The following ANKAR variants were observed in gnomAD, a reference collection of about 807,000 sequenced individuals.
The protein encoded by ANKAR is ankyrin and armadillo repeat containing, also known as ankyrin and armadillo repeat-containing protein.
A neutral mutation model predicts 146.2 loss-of-function variants in ANKAR; 136 were observed. The ratio of observed to expected loss-of-function variants is 0.93; its 90% CI spans 0.81 to 1.07. ANKAR has a LOEUF of 1.07. Among genes scored for constraint, ANKAR ranks in the 50% least tolerant of loss-of-function variants. The probability of loss-of-function intolerance (pLI) is 0.00; values close to 1 mark genes in which losing one functional copy is unlikely to be tolerated. For synonymous variants in ANKAR, 500 were observed against 575.8 expected (o/e 0.87, Z 1.88); for missense variants, 1,567 against 1,679.9 (o/e 0.93, Z 1.18).
At chr2:189,749,194 C>A (rs1387414787), downstream of ANKAR, among the ~76,000 whole-genome samples, 3 of 134,448 alleles carry the variant, frequency 2.2e-5, no homozygotes, top group South Asian at 2.3e-4. Context: ...TGCAGTGAGC[C>A]GAGATCGAGC....
intron 2 of ANKAR, among the ~76,000 whole-genome samples, chr2:189,679,857 A>G (rs2034372894): frequency 6.6e-6 from 1 of 151,688 alleles, no homozygotes; most frequent in African/African-American, 2.4e-5. Context: ...TTCCGTTAGT[A>G]TTTTCTTGAG....
chr2:189,696,114 A>G, intron 6 of ANKAR, 36 bp from the exon 7 acceptor site: 4 of 1,600,984 alleles, frequency 2.5e-6, no homozygotes, highest in Non-Finnish European at 3.4e-6. Context: ...CTTTAGGTGC[A>G]TTTTGATAAA....
chr2:189,718,341 GCTA>G (rs1559111820), intron 10 of ANKAR, among the ~76,000 whole-genome samples: 92 of 518 alleles, frequency 0.18, 1 homozygote, highest in African/African-American at 0.23. Flanking sequence ...TGTCTGTCTA[GCTA>G]TCTATCTACA....
At chr2:189,762,611 C>T (rs936540912), downstream of ANKAR, 4 of 985,330 alleles carry the variant, frequency 4.1e-6, no homozygotes, top group Admixed American at 1.2e-4. Flanking sequence ...AAGGCGGCGA[C>T]GGGCGCAAAC....
chr2:189,718,374 A>G (rs199703338), intron 10 of ANKAR, among the ~76,000 whole-genome samples: 133,960 of 150,650 alleles, frequency 0.89, 60,633 homozygotes, highest in Non-Finnish European at 0.97. Context: ...ACACACACAC[A>G]CACACACACA....
chr2:189,759,981 A>C (rs2046748994), intron 18 of ANKAR, among the ~76,000 whole-genome samples: 1 of 152,138 alleles, frequency 6.6e-6, no homozygotes, highest in Non-Finnish European at 1.5e-5. Flanking sequence ...TGCTGCCTTC[A>C]AGCATCTGTC....
In ANKAR at chr2:189,689,656, T is replaced by C; in HGVS notation, c.731T>C (p.Met244Thr). The stretch of plus-strand genomic sequence containing the variant: ...TTTATGAAATATGCTGAAAATATTA[T>C]GCTAAAGTTAACATTCAGTACCACA... ...AVFMKYAENI[M>T]LKLTFSTTQI... Residue 244 changes from methionine (M) to threonine (T), a missense_variant, in exon 3 of 23, where the codon ATG (methionine) becomes ACG (threonine). Coordinates refer to ENST00000684021, the MANE Select transcript of ANKAR (RefSeq NM_001378068.1). The C allele has an allele frequency of 6.2e-7, 1 of 1,613,828 alleles. No individual in the cohort carries two copies. The highest frequency in any genetic ancestry group is 8.5e-7 in the Non-Finnish European group (1 of 1,179,828).
chr2:189,751,294 T>C (rs2045157457), downstream of ANKAR, among the ~76,000 whole-genome samples: 1 of 152,160 alleles, frequency 6.6e-6, no homozygotes, highest in African/African-American at 2.4e-5. Flanking sequence ...GGGGCATAAC[T>C]GAATCAGAGG....
chr2:189,751,978 A>G (rs1337796891), intron 18 of ANKAR, among the ~76,000 whole-genome samples: 3 of 151,350 alleles, frequency 2.0e-5, no homozygotes, highest in Non-Finnish European at 4.4e-5. Flanking sequence ...AAACCCAAAA[A>G]CTAAAAATAC....
chr2:189,698,358 T>G (rs540525984), intron 7 of ANKAR, among the ~76,000 whole-genome samples: 3 of 152,012 alleles, frequency 2.0e-5, no homozygotes, highest in Non-Finnish European at 2.9e-5. Context: ...TTTTTATAAA[T>G]TCAGGCCCAC....
In ANKAR at chr2:189,696,191, G is replaced by A; in HGVS notation, c.1530G>A (p.Leu510=). The A allele has an allele frequency of 6.2e-7, 1 of 1,614,000 alleles. No homozygotes were observed. The highest frequency in any genetic ancestry group is 8.5e-7 in the Non-Finnish European group (1 of 1,179,978). Reference sequence around the variant, plus strand: ...TGAAGTCCGCTGTTGAAAGAGGGTTGTCTGCAGTTTTCCACACATTTAGCC... The same window carrying A: ...TGAAGTCCGCTGTTGAAAGAGGGTTATCTGCAGTTTTCCACACATTTAGCC... The part of the protein sequence containing the change: ...FGMKSAVERG[L]SAVFHTFSRK... The change falls in exon 7 of 23, where the codon TTG becomes TTA. Residue 510 remains leucine (L), a synonymous_variant. Transcript: ENST00000684021.
At chr2:189,719,207 G>A (rs1490639915) in intron 10 of ANKAR, among the ~76,000 whole-genome samples, 1 of 152,178 alleles carries the variant, frequency 6.6e-6, no homozygotes, top group African/African-American at 2.4e-5. Flanking sequence ...GCAGTGCCAT[G>A]CGAAGTTGAT....
At chr2:189,742,554 A>AT (rs142651739) in intron 20 of ANKAR, among the ~76,000 whole-genome samples, 17,300 of 151,954 alleles carry the variant, frequency 0.11, 1,179 homozygotes, top group Middle Eastern at 0.17. Context: ...TTAAAAAAAA[A>AT]TTTTTTTAAA....
chr2:189,682,793 C>T (rs2034936255), intron 2 of ANKAR, among the ~76,000 whole-genome samples: 1 of 152,172 alleles, frequency 6.6e-6, no homozygotes, highest in African/African-American at 2.4e-5. Context: ...GGAGCATCAA[C>T]CCAAGAATGT....
chr2:189,699,917 C>T (rs555964360), intron 7 of ANKAR, among the ~76,000 whole-genome samples: 1 of 152,288 alleles, frequency 6.6e-6, no homozygotes, highest in African/African-American at 2.4e-5. Flanking sequence ...CCACCCACCT[C>T]GGCCTCCCAA....
intron 18 of ANKAR, chr2:189,755,017 T>C (rs1302751047): frequency 1.3e-6 from 1 of 796,234 alleles, no homozygotes; most frequent in East Asian, 2.7e-5. Context: ...AATTGTGTAC[T>C]ACTCTTTCTA....
intron 22 of ANKAR, among the ~76,000 whole-genome samples, chr2:189,745,027 C>CTACTAATAATAATAATAA (rs376824673): frequency 2.1e-3 from 269 of 131,092 alleles, no homozygotes; most frequent in East Asian, 8.0e-3. Flanking sequence ...ACTACTACTA[C>CTACTAATAATAATAATAA]TAATAATACA....
chr2:189,714,247 C>A (rs1409382768), intron 10 of ANKAR, among the ~76,000 whole-genome samples: 4 of 152,204 alleles, frequency 2.6e-5, no homozygotes, highest in African/African-American at 9.7e-5. Context: ...GAACTCAGCT[C>A]TGGACCAAAC....
chr2:189,720,730 G>C lies in ANKAR; in HGVS notation c.2578G>C (p.Ala860Pro), dbSNP rs771173454. 6.6e-7 allele frequency: 1 copy of C among 1,521,120 alleles called. No individual in the cohort carries two copies. The highest frequency in any genetic ancestry group is 8.8e-7 in the Non-Finnish European group (1 of 1,139,354). 94.2% of individuals were successfully genotyped at this position (1,521,120 alleles called of 1,614,324 possible). ...TATAGGAAATGAAAACAATCAAAGA[G>C]CTGTGAGAGAACATAAAGGCCTCCC... ...LCIGNENNQR[A>P]VREHKGLPYL... is the part of the protein sequence containing the mutation. The change falls in exon 12 of 23, where the codon GCT becomes CCT. Residue 860 changes from alanine to proline, a missense_variant. Transcript: ENST00000684021.
Sources: gnomAD v4.1 joint callset for allele counts (sites outside exome capture counted in the v4.1 genomes callset) on GRCh38, gnomAD v4.1.1 for gene constraint, MANE v1.5 for transcripts, NCBI Gene and HGNC (gene_info 2026-07-23, HGNC 2026-07-21) for gene names.